The following SPIDR variants were observed in gnomAD, a reference collection of about 807,000 sequenced individuals.
SPIDR encodes scaffold protein involved in DNA repair.
In SPIDR, 93 loss-of-function variants were observed where a neutral mutation model predicts 104.6. The ratio of observed to expected loss-of-function variants is 0.89; its 90% CI spans 0.75 to 1.06. SPIDR has a LOEUF of 1.06. SPIDR is among the 50% of genes least tolerant of loss of function. The probability of loss-of-function intolerance (pLI) is 0.00; values close to 1 mark genes in which losing one functional copy is unlikely to be tolerated. For missense variants in SPIDR, 1,154 were observed against 1,111.2 expected (o/e 1.04, Z -0.55); for synonymous variants, 431 against 416.9 (o/e 1.03, Z -0.41).
intron 8 of SPIDR, among the ~76,000 whole-genome samples, chr8:47,580,485 C>T (rs763036601): frequency 2.0e-5 from 3 of 152,134 alleles, no homozygotes; most frequent in Non-Finnish European, 4.4e-5. Context: ...AACCGAGTCA[C>T]AAAGACATTA....
At chr8:47,607,850 G>A (rs987842969) in intron 10 of SPIDR, among the ~76,000 whole-genome samples, 5 of 151,856 alleles carry the variant, frequency 3.3e-5, no homozygotes, top group African/African-American at 1.2e-4. Flanking sequence ...TAGTGTTTAT[G>A]GTTCTGTCAT....
Position 47,659,277 on chromosome 8 carries a change from A to C in SPIDR, c.1545-14524A>C, listed in dbSNP as rs1344582496. 3.3e-5 allele frequency among the ~76,000 whole-genome samples: 5 copies of C among 152,250 alleles called. No individual in the cohort carries two copies. The East Asian group carries it at 9.7e-4, about 29-fold the overall frequency. ...TTGTCTCAGAAGGGGAAAAAGGCTGAGGTTTTTTTCCCTCTTCTTTTGGTT... is the reference window on the plus strand; with the variant it reads ...TTGTCTCAGAAGGGGAAAAAGGCTGCGGTTTTTTTCCCTCTTCTTTTGGTT... On this transcript the variant is annotated intron_variant, in intron 10 of 19. Transcript: ENST00000297423.
At chr8:47,672,277 T>C (rs1053521124) in intron 10 of SPIDR, among the ~76,000 whole-genome samples, 1 of 152,188 alleles carries the variant, frequency 6.6e-6, no homozygotes, top group African/African-American at 2.4e-5. Flanking sequence ...GGTATTTGTT[T>C]TTCTTCCTGT....
Position 47,660,651 on chromosome 8 carries a change from C to A in SPIDR, c.1545-13150C>A, listed in dbSNP as rs551143231. On this transcript the variant is annotated intron_variant, in intron 10 of 19. Transcript: ENST00000297423. ...ATGGTATTCTAATGGTTATGTATTG[C>A]TTTACCCACAGTGGAGCTTTACCTT... The A allele has an allele frequency of 8.0e-6, 3 of 377,254 alleles. No individual in the cohort carries two copies. In the South Asian group the frequency reaches 3.2e-4, roughly 40 times the overall value. 23.4% of individuals were successfully genotyped at this position (377,254 alleles called of 1,614,324 possible).
At chr8:47,558,632 C>CG (rs1554796097) in intron 8 of SPIDR, among the ~76,000 whole-genome samples, 6 of 149,454 alleles carry the variant, frequency 4.0e-5, no homozygotes, top group Non-Finnish European at 8.9e-5. Flanking sequence ...CTAGCTTCAC[C>CG]TTTTTTTTTG....
At chr8:47,527,085 A>G (rs553105547) in intron 8 of SPIDR, among the ~76,000 whole-genome samples, 1 of 152,214 alleles carries the variant, frequency 6.6e-6, no homozygotes, top group Admixed American at 6.5e-5. Flanking sequence ...TTTATGTTTT[A>G]TGTTCTATGT....
chr8:47,266,428 G>T (rs1014772105), intron 1 of SPIDR, among the ~76,000 whole-genome samples: 1 of 152,166 alleles, frequency 6.6e-6, no homozygotes, highest in Non-Finnish European at 1.5e-5. Flanking sequence ...GAGCCACTGT[G>T]CCTGGCCAAT....
intron 7 of SPIDR, among the ~76,000 whole-genome samples, chr8:47,409,235 T>C (rs2063177497): frequency 6.6e-6 from 1 of 151,746 alleles, no homozygotes; most frequent in African/African-American, 2.4e-5. Context: ...TAATCATGGA[T>C]GTCAAGGACT....
intron 5 of SPIDR, among the ~76,000 whole-genome samples, chr8:47,317,409 G>A (rs1448892799): frequency 6.6e-6 from 1 of 152,108 alleles, no homozygotes; most frequent in Non-Finnish European, 1.5e-5. Flanking sequence ...TGGGGGAGGG[G>A]CGCCCACCAT....
intron 6 of SPIDR, among the ~76,000 whole-genome samples, chr8:47,405,957 A>G (rs916538093): frequency 1.3e-5 from 2 of 152,224 alleles, no homozygotes; most frequent in Non-Finnish European, 2.9e-5. Flanking sequence ...TGAGGGCTCC[A>G]GATACTGCTG....
At chr8:47,499,548 T>G (rs1408171422) in intron 8 of SPIDR, among the ~76,000 whole-genome samples, 1 of 151,840 alleles carries the variant, frequency 6.6e-6, no homozygotes, top group Non-Finnish European at 1.5e-5. Context: ...GCATTTCTTT[T>G]TTTTTTTTTT....
chr8:47,570,119 C>T (rs2058341215), intron 8 of SPIDR, among the ~76,000 whole-genome samples: 1 of 152,048 alleles, frequency 6.6e-6, no homozygotes, highest in Admixed American at 6.5e-5. Flanking sequence ...CCAGAATAGC[C>T]AAAACAGCCT....
At chr8:47,646,666 A>G (rs778532409) in intron 10 of SPIDR, among the ~76,000 whole-genome samples, 6 of 152,202 alleles carry the variant, frequency 3.9e-5, no homozygotes, top group Non-Finnish European at 8.8e-5. Context: ...GATGCTTGAA[A>G]TGGGCTATAT....
At chr8:47,411,502 G>A (rs1409193464) in intron 7 of SPIDR, among the ~76,000 whole-genome samples, 16 of 152,010 alleles carry the variant, frequency 1.1e-4, no homozygotes, top group Non-Finnish European at 2.1e-4. Flanking sequence ...CTTGTTGATG[G>A]GGTTGTTTTT....
chr8:47,500,556 T>C (rs1038567347), intron 8 of SPIDR, among the ~76,000 whole-genome samples: 3 of 152,230 alleles, frequency 2.0e-5, no homozygotes, highest in African/African-American at 7.2e-5. Flanking sequence ...CTTTGTCAGA[T>C]GGGTAGATTG....
At chr8:47,642,481 C>T (rs952924832) in intron 10 of SPIDR, among the ~76,000 whole-genome samples, 2 of 151,962 alleles carry the variant, frequency 1.3e-5, no homozygotes, top group East Asian at 1.9e-4. Context: ...TGAGTGAACC[C>T]GCACTCTGAG....
chr8:47,300,537 G>T (rs899964882), intron 5 of SPIDR, among the ~76,000 whole-genome samples: 65 of 152,302 alleles, frequency 4.3e-4, no homozygotes, highest in African/African-American at 1.5e-3. Context: ...TAATTGGGAT[G>T]TTAGGGTGTC....
chr8:47,343,871 G>C (rs899309108), intron 5 of SPIDR, among the ~76,000 whole-genome samples: 3 of 152,098 alleles, frequency 2.0e-5, no homozygotes, highest in African/African-American at 7.2e-5. Context: ...TGTCCTTCGG[G>C]GGGGAAAAGA....
intron 10 of SPIDR, chr8:47,659,749 C>T: frequency 1.0e-6 from 1 of 983,708 alleles, no homozygotes; most frequent in Non-Finnish European, 1.2e-6. Flanking sequence ...CTTATCACTT[C>T]ATCCTCTGAT....
Sources: allele counts gnomAD v4.1 joint callset (sites outside exome capture counted in the v4.1 genomes callset), GRCh38; gene constraint gnomAD v4.1.1; transcripts MANE v1.5; gene names NCBI Gene and HGNC (gene_info 2026-07-23, HGNC 2026-07-21).